Variants in KIAA1958 observed in about 807,000 individuals in gnomAD.
KIAA1958 encodes the protein KIAA1958.
Under a neutral mutation model 47.2 loss-of-function variants are expected in KIAA1958, and 14 were observed. The observed-to-expected ratio is 0.30, with a 90% CI of 0.20 to 0.46. The LOEUF (loss-of-function observed/expected upper bound fraction) is 0.46. Among genes scored for constraint, KIAA1958 ranks in the 20% least tolerant of loss-of-function variants. The pLI is 1.00. For missense variants in KIAA1958, 803 were observed against 909.2 expected (o/e 0.88, Z 1.50); for synonymous variants, 354 against 353.3 (o/e 1.00, Z -0.02).
chr9:112,599,850 A>G (rs1161119587), intron 2 of KIAA1958, among the ~76,000 whole-genome samples: 1 of 152,190 alleles, frequency 6.6e-6, no homozygotes, highest in East Asian at 1.9e-4. Context: ...ATATCAGAAG[A>G]AGGTTCTCTT....
rs141441146 is a variant in KIAA1958 at position 112,518,239 on chromosome 9, G to A, written c.-25+31121G>A. On this transcript the variant is annotated intron_variant, in intron 1 of 3. Transcript: ENST00000337530. The stretch of plus-strand genomic sequence containing the variant: ...GCTAATTAAAAAAAGAAAAAGGAAA[G>A]CATGTATATGTATGAAGACTTGTAT... Among the ~76,000 whole-genome samples, 465 of 152,194 alleles carry A rather than the reference G, an allele frequency of 3.1e-3. 5 individuals carry two copies. Among genetic ancestry groups the A allele is most frequent in the Middle Eastern group, 0.014 (4 of 294 alleles).
At chr9:112,633,339 A>G (rs1429719933) in intron 2 of KIAA1958, among the ~76,000 whole-genome samples, 1 of 152,094 alleles carries the variant, frequency 6.6e-6, no homozygotes, top group Non-Finnish European at 1.5e-5. Context: ...AATTAGAATT[A>G]CATTTACTTA....
chr9:112,575,118 G>A lies in KIAA1958; in HGVS notation c.1038G>A (p.Leu346=). Residue 346 remains leucine, a synonymous_variant, in exon 2 of 4, where the codon CTG becomes CTA. Transcript: ENST00000337530. ...QVASEEFLSH[L]PSQVSSCEVA... ...CCTCTGAAGAGTTCCTGTCCCATCT[G>A]CCCAGCCAGGTCTCCTCCTGTGAGG... is the stretch of plus-strand genomic sequence containing the variant. 1 of 1,607,378 alleles carries A rather than the reference G, an allele frequency of 6.2e-7. No homozygotes were observed. The highest frequency in any genetic ancestry group is 8.5e-7 in the Non-Finnish European group (1 of 1,179,958).
In KIAA1958 at chr9:112,487,074, C is replaced by T. The variant is rs925124181; in HGVS notation, c.-69C>T. Reference sequence around the variant, plus strand: ...GGCTGCCCGGCTCTCGCAGGCCCCCCCGCGCCGACCGCGTTCCTATGGACA... The same window carrying T: ...GGCTGCCCGGCTCTCGCAGGCCCCCTCGCGCCGACCGCGTTCCTATGGACA... On this transcript the variant is annotated 5_prime_UTR_variant, in exon 1 of 4. Transcript: ENST00000337530. The T allele has an allele frequency of 2.3e-4, 52 of 226,078 alleles. No homozygotes were observed. The highest frequency in any genetic ancestry group is 1.1e-3 in the Middle Eastern group (2 of 1,778). 14.0% of individuals were successfully genotyped at this position (226,078 alleles called of 1,614,324 possible).
At chr9:112,565,992 C>G (rs563691177) in intron 1 of KIAA1958, among the ~76,000 whole-genome samples, 1 of 152,332 alleles carries the variant, frequency 6.6e-6, no homozygotes, top group Admixed American at 6.5e-5. Flanking sequence ...CAAGCTCCGC[C>G]TCCCAGGTTC....
intron 1 of KIAA1958, among the ~76,000 whole-genome samples, chr9:112,515,894 T>TAAAAAAAAAAAAAAAAAA (rs58492221): frequency 1.0e-5 from 1 of 97,124 alleles, no homozygotes; most frequent in Non-Finnish European, 2.0e-5. Context: ...AAAAATAAAT[T>TAAAAAAAAAAAAAAAAAA]AAAAAAAAAA....
At chr9:112,492,223 G>T (rs1291530600) in intron 1 of KIAA1958, among the ~76,000 whole-genome samples, 1 of 152,198 alleles carries the variant, frequency 6.6e-6, no homozygotes, top group Non-Finnish European at 1.5e-5. Flanking sequence ...TAAGCTCAAA[G>T]TGTTGGCAGG....
chr9:112,518,069 G>A (rs1286135685), intron 1 of KIAA1958, among the ~76,000 whole-genome samples: 2 of 152,176 alleles, frequency 1.3e-5, no homozygotes, highest in African/African-American at 4.8e-5. Context: ...AGAAAGGAAA[G>A]CAGCTGGGAG....
intron 1 of KIAA1958, among the ~76,000 whole-genome samples, chr9:112,488,832 C>CT (rs1055611107): frequency 2.0e-5 from 3 of 152,082 alleles, no homozygotes; most frequent in African/African-American, 7.2e-5. Context: ...TAAAATAGTG[C>CT]TTTTTTCTAG....
At position 112,575,044 on chromosome 9, in the gene KIAA1958, A is replaced by C. The variant is rs1382494475; in HGVS notation, c.964A>C (p.Ser322Arg). 5 of 1,614,064 alleles carry C rather than the reference A, an allele frequency of 3.1e-6. No homozygotes were observed. The highest frequency in any genetic ancestry group is 4.5e-5 in the East Asian group (2 of 44,882). The change falls in exon 2 of 4, where the codon AGT becomes CGT. Residue 322 changes from serine (S) to arginine (R), a missense_variant. This residue lies in a region of KIAA1958 where 761 missense variants were observed against 829.3 expected (regional missense o/e 0.92). Transcript: ENST00000337530. ...VSTSHPNKQI[S>R]IPLSALQLPG... ...CACATCCCATCCTAACAAACAGATC[A>C]GTATCCCCTTGTCTGCCCTGCAGCT...
At chr9:112,535,495 C>CTT (rs1358101425) in intron 1 of KIAA1958, among the ~76,000 whole-genome samples, 1 of 151,988 alleles carries the variant, frequency 6.6e-6, no homozygotes, top group Non-Finnish European at 1.5e-5. Flanking sequence ...TTGATGCACA[C>CTT]TTAGGCTGCT....
chr9:112,588,009 G>C (rs1265075542), intron 2 of KIAA1958, among the ~76,000 whole-genome samples: 2 of 152,148 alleles, frequency 1.3e-5, no homozygotes, highest in Non-Finnish European at 2.9e-5. Context: ...AAAATAATGA[G>C]AGAGGAAATA....
At chr9:112,630,061 T>C (rs375106609) in intron 2 of KIAA1958, among the ~76,000 whole-genome samples, 10 of 151,768 alleles carry the variant, frequency 6.6e-5, no homozygotes, top group East Asian at 1.9e-4. Flanking sequence ...AAGCAGCCCA[T>C]GTGCAGTGTT....
At chr9:112,628,410 T>C (rs574897818) in intron 2 of KIAA1958, among the ~76,000 whole-genome samples, 1 of 152,332 alleles carries the variant, frequency 6.6e-6, no homozygotes, top group East Asian at 1.9e-4. Context: ...ACTGTGAGCC[T>C]CTTCTCTAGA....
At chr9:112,511,406 T>C (rs990586778) in intron 1 of KIAA1958, among the ~76,000 whole-genome samples, 8 of 152,222 alleles carry the variant, frequency 5.3e-5, no homozygotes, top group African/African-American at 1.9e-4. Context: ...AGCTTAGTGG[T>C]CTTAAATTTG....
At chr9:112,643,252 TC>T (rs1172062014) in intron 2 of KIAA1958, among the ~76,000 whole-genome samples, 5 of 152,196 alleles carry the variant, frequency 3.3e-5, no homozygotes, top group Middle Eastern at 3.2e-3. Context: ...TCCTGGCTCT[TC>T]CACTTATTAA....
intron 2 of KIAA1958, among the ~76,000 whole-genome samples, chr9:112,627,000 G>A (rs145581807): frequency 1.3e-5 from 2 of 152,278 alleles, no homozygotes; most frequent in African/African-American, 4.8e-5. Flanking sequence ...CTGAAAAACT[G>A]TGTTAAAAGG....
At chr9:112,576,279 T>C (rs1438014150) in intron 2 of KIAA1958, among the ~76,000 whole-genome samples, 1 of 152,234 alleles carries the variant, frequency 6.6e-6, no homozygotes, top group Non-Finnish European at 1.5e-5. Context: ...AGATATTCAC[T>C]GAAAATATTT....
At chr9:112,635,216 GT>G (rs879871156) in intron 2 of KIAA1958, among the ~76,000 whole-genome samples, 1,700 of 12,324 alleles carry the variant, frequency 0.14, 17 homozygotes, top group Non-Finnish European at 0.4. Flanking sequence ...TCTTTATTTT[GT>G]GTGTGTGTGT....
Sources: allele counts gnomAD v4.1 joint callset (sites outside exome capture counted in the v4.1 genomes callset), GRCh38; gene constraint gnomAD v4.1.1; regional missense constraint gnomAD v4.1.1; transcripts MANE v1.5; gene names NCBI Gene and HGNC (gene_info 2026-07-23, HGNC 2026-07-21).